Variants in ITGA8 observed in about 807,000 individuals in gnomAD.
The protein encoded by ITGA8 is integrin alpha-8.
A neutral mutation model predicts 142.3 loss-of-function variants in ITGA8; 91 were observed. That is an observed-to-expected ratio of 0.64 (90% CI 0.54 to 0.76). The LOEUF (loss-of-function observed/expected upper bound fraction) is 0.76. Among genes scored for constraint, ITGA8 ranks in the 30% least tolerant of loss-of-function variants. ITGA8 has a pLI of 0.00. For missense variants in ITGA8, 1,406 were observed against 1,327.7 expected, an observed-to-expected ratio of 1.06 and a Z score of -0.92; for synonymous variants, 505 against 485.2, an observed-to-expected ratio of 1.04 and a Z score of -0.54.
chr10:15,620,308 TACACACACAC>T (rs4030584), intron 13 of ITGA8, among the ~76,000 whole-genome samples: 6 of 150,786 alleles, frequency 4.0e-5, no homozygotes, highest in Admixed American at 6.6e-5. Flanking sequence ...GGTGTTGAGA[TACACACACAC>T]ACACACACAC....
intron 13 of ITGA8, among the ~76,000 whole-genome samples, chr10:15,618,229 A>C (rs1833429508): frequency 1.6e-5 from 2 of 124,086 alleles, no homozygotes. Flanking sequence ...TCTAAAATAA[A>C]TTTAAAAAAA....
intron 28 of ITGA8, among the ~76,000 whole-genome samples, chr10:15,529,313 C>T (rs1293198963): frequency 6.6e-6 from 1 of 152,170 alleles, no homozygotes; most frequent in Non-Finnish European, 1.5e-5. Flanking sequence ...TAACTTGTTC[C>T]AGGTACAATG....
At chr10:15,694,310 A>G (rs1303431090) in intron 2 of ITGA8, among the ~76,000 whole-genome samples, 1 of 98,586 alleles carries the variant, frequency 1.0e-5, no homozygotes, top group Non-Finnish European at 2.2e-5. Flanking sequence ...ATATGATAAT[A>G]TATCATATAT....
chr10:15,702,971 C>T (rs1835192632), intron 2 of ITGA8, among the ~76,000 whole-genome samples: 1 of 152,156 alleles, frequency 6.6e-6, no homozygotes, highest in Non-Finnish European at 1.5e-5. Flanking sequence ...ATTTAAGAAG[C>T]TTGTAGACTA....
At chr10:15,683,879 A>G (rs1266618223) in intron 4 of ITGA8, 125 bp downstream of exon 4, 3 of 1,055,736 alleles carry the variant, frequency 2.8e-6, no homozygotes, top group Non-Finnish European at 4.1e-6. Context: ...ATCTTTACCT[A>G]CCCCCGAAGC....
chr10:15,592,262 T>G lies in ITGA8; in HGVS notation c.2254A>C (p.Thr752Pro). Residue 752 changes from threonine to proline, a missense_variant, in exon 22 of 30, where the codon ACA becomes CCA. Thr to Pro is a conservative substitution (Grantham distance 38). Coordinates refer to ENST00000378076, the MANE Select transcript of ITGA8 (RefSeq NM_003638.3). ...AGATCGAAGTTAATGCTCATGTTTG[T>G]TTTCTCAAGACGTGGAACTGCAAAT... is the stretch of plus-strand genomic sequence containing the variant. Reference protein sequence around the residue: ...LRFAVPRLEKTNMSINFDLQI... With the variant: ...LRFAVPRLEKPNMSINFDLQI... 2 of 1,613,946 alleles carry G rather than the reference T, an allele frequency of 1.2e-6. No individual in the cohort carries two copies. Among genetic ancestry groups the G allele is most frequent in the Non-Finnish European group, 8.5e-7 (1 of 1,179,862 alleles).
intron 15 of ITGA8, among the ~76,000 whole-genome samples, chr10:15,611,759 G>A (rs1484404672): frequency 3.3e-5 from 5 of 151,396 alleles, no homozygotes; most frequent in African/African-American, 7.3e-5. Flanking sequence ...GATTACAGGC[G>A]TGAGCCACCG....
At chr10:15,668,302 T>C (rs1834437149) in intron 8 of ITGA8, among the ~76,000 whole-genome samples, 2 of 152,206 alleles carry the variant, frequency 1.3e-5, no homozygotes, top group South Asian at 4.2e-4. Flanking sequence ...TTGATCTTTG[T>C]TGGTTTAAAG....
intron 28 of ITGA8, among the ~76,000 whole-genome samples, chr10:15,521,276 G>A (rs1451971565): frequency 2.6e-5 from 4 of 151,868 alleles, no homozygotes; most frequent in Non-Finnish European, 5.9e-5. Context: ...CACCCGCCTC[G>A]GCCTCCCAAA....
chr10:15,515,286 A>C lies in ITGA8; in HGVS notation c.*1872T>G, dbSNP rs1014696853. 2 of 152,292 alleles carry C rather than the reference A, an allele frequency of 1.3e-5. No homozygotes were observed. Among genetic ancestry groups the C allele is most frequent in the African/African-American group, 4.8e-5 (2 of 41,444 alleles). The allele number at this position is 152,292 out of a possible 1,614,324, so 9.4% of individuals were successfully genotyped here. On this transcript the variant is annotated 3_prime_UTR_variant, in exon 30 of 30. Transcript: ENST00000378076. Reference sequence around the variant, plus strand: ...GCAACTTCAGTGCTCATCCGTAGTCAGCCACACAAACCAGCCTTGAGCTCC... The same window carrying C: ...GCAACTTCAGTGCTCATCCGTAGTCCGCCACACAAACCAGCCTTGAGCTCC...
At position 15,677,670 on chromosome 10, in the gene ITGA8, T is replaced by C. The variant is rs756115863; in HGVS notation, c.631-33A>G. 14 of 1,596,026 alleles carry C rather than the reference T, an allele frequency of 8.8e-6. No individual in the cohort carries two copies. In the East Asian group the frequency reaches 1.6e-4, roughly 18 times the overall value. Reference sequence around the variant, plus strand: ...ACAGAAACAGCAACAGCAACCATAATTGGAAAAGAAATACTAAACATTTTT... The same window carrying C: ...ACAGAAACAGCAACAGCAACCATAACTGGAAAAGAAATACTAAACATTTTT... On this transcript the variant is annotated intron_variant, in intron 5 of 29. Coordinates refer to ENST00000378076, the MANE Select transcript of ITGA8 (RefSeq NM_003638.3).
intron 13 of ITGA8, among the ~76,000 whole-genome samples, chr10:15,619,457 C>T (rs558983470): frequency 3.3e-5 from 5 of 152,208 alleles, no homozygotes; most frequent in South Asian, 2.1e-4. Flanking sequence ...GTCGAACAGA[C>T]GTCATCTAAA....
chr10:15,534,932 C>T (rs190342602), intron 27 of ITGA8, among the ~76,000 whole-genome samples: 1,688 of 152,256 alleles, frequency 0.011, 25 homozygotes, highest in African/African-American at 0.038. Context: ...TGGCCGAGGC[C>T]GGAGCCGGCT....
intron 19 of ITGA8, among the ~76,000 whole-genome samples, chr10:15,605,207 T>C (rs1236551421): frequency 6.6e-6 from 1 of 152,192 alleles, no homozygotes; most frequent in Non-Finnish European, 1.5e-5. Flanking sequence ...GGGCGTCCAT[T>C]ACTGGCAACT....
At chr10:15,554,342 G>C (rs558576500) in intron 26 of ITGA8, among the ~76,000 whole-genome samples, 6 of 152,216 alleles carry the variant, frequency 3.9e-5, no homozygotes, top group Admixed American at 2.6e-4. Context: ...AGAGCCTATG[G>C]GGGGAGGGGC....
chr10:15,531,255 T>A, intron 27 of ITGA8, 104 bp from the exon 28 acceptor site: 1 of 548,054 alleles, frequency 1.8e-6, no homozygotes, highest in South Asian at 4.6e-5. Flanking sequence ...CAAGGCAAAA[T>A]TTCCTCCTTC....
At chr10:15,704,844 T>C (rs1835228452) in intron 2 of ITGA8, among the ~76,000 whole-genome samples, 1 of 152,206 alleles carries the variant, frequency 6.6e-6, no homozygotes, top group Non-Finnish European at 1.5e-5. Context: ...GAAGGCTGTA[T>C]AAATTTGCCT....
intron 20 of ITGA8, among the ~76,000 whole-genome samples, chr10:15,603,806 T>C (rs1229076944): frequency 2.6e-5 from 4 of 152,272 alleles, no homozygotes; most frequent in Admixed American, 2.6e-4. Context: ...TGGACCTTCT[T>C]CCCTAACCAA....
At chr10:15,709,408 C>A (rs74442404) in intron 2 of ITGA8, among the ~76,000 whole-genome samples, 2,428 of 152,224 alleles carry the variant, frequency 0.016, 79 homozygotes, top group African/African-American at 0.055. Flanking sequence ...GAATGGCGCA[C>A]CCCAGAAGAA....
Sources: allele counts gnomAD v4.1 joint callset (sites outside exome capture counted in the v4.1 genomes callset), GRCh38; gene constraint gnomAD v4.1.1; transcripts MANE v1.5; gene names NCBI Gene and HGNC (gene_info 2026-07-23, HGNC 2026-07-21).